The following PTPRO variants were observed in gnomAD, a reference collection of about 807,000 sequenced individuals.
PTPRO encodes protein tyrosine phosphatase receptor type O.
In PTPRO, 62 loss-of-function variants were observed where a neutral mutation model predicts 145.2. The ratio of observed to expected loss-of-function variants is 0.43; its 90% CI spans 0.35 to 0.53. The LOEUF (loss-of-function observed/expected upper bound fraction) is 0.53, where lower values mean the gene tolerates loss of function less well. Among genes scored for constraint, PTPRO ranks in the 20% least tolerant of loss-of-function variants. The probability of loss-of-function intolerance (pLI) is 0.01; values close to 1 mark genes in which losing one functional copy is unlikely to be tolerated. For missense variants in PTPRO, 1,345 were observed against 1,482.7 expected, an observed-to-expected ratio of 0.91 and a Z score of 1.53; for synonymous variants, 565 against 514.7, an observed-to-expected ratio of 1.10 and a Z score of -1.32.
At position 15,580,120 on chromosome 12, in the gene PTPRO, G is replaced by T; in HGVS notation, c.2997+5G>T. On this transcript the variant is annotated splice_donor_5th_base_variant and intron_variant, in intron 21 of 26. Transcript: ENST00000281171. ...ATCAATGCCAACTATATTCCTGTAA[G>T]TAGAAAAAAAAAATCAGGCATCCCA... is the stretch of plus-strand genomic sequence containing the variant. 6.2e-7 allele frequency: 1 copy of T among 1,606,944 alleles called. No individual in the cohort carries two copies. Among genetic ancestry groups the T allele is most frequent in the South Asian group, 1.1e-5 (1 of 90,934 alleles).
At chr12:15,418,380 C>CT (rs1940041871) in intron 1 of PTPRO, among the ~76,000 whole-genome samples, 3 of 151,736 alleles carry the variant, frequency 2.0e-5, no homozygotes, top group Non-Finnish European at 4.4e-5. Flanking sequence ...CCTTCAGTGT[C>CT]TGTTGAGTGA....
At chr12:15,443,370 A>G (rs965956294) in intron 1 of PTPRO, among the ~76,000 whole-genome samples, 1 of 152,192 alleles carries the variant, frequency 6.6e-6, no homozygotes, top group Non-Finnish European at 1.5e-5. Context: ...AAAAATTTAA[A>G]CATAAGACTT....
Position 15,557,479 on chromosome 12 carries a change from C to G in PTPRO, c.2583C>G (p.Val861=). 20 of 1,613,838 alleles carry G rather than the reference C, an allele frequency of 1.2e-5. No homozygotes were observed. Among genetic ancestry groups the G allele is most frequent in the Non-Finnish European group, 1.7e-5 (20 of 1,179,856 alleles). Reference sequence around the variant, plus strand: ...GGGAGTGTGGAGCTGGTACATTTGTCAATTTTGCATCCTTAGAGAGGGATG... The same window carrying G: ...GGGAGTGTGGAGCTGGTACATTTGTGAATTTTGCATCCTTAGAGAGGGATG... ...MARECGAGTF[V]NFASLERDGK... is the part of the protein sequence containing the mutation. The change falls in exon 16 of 27, where the codon GTC becomes GTG. Residue 861 remains valine, a synonymous_variant. Transcript: ENST00000281171.
chr12:15,412,122 A>C (rs1939817815), intron 1 of PTPRO, among the ~76,000 whole-genome samples: 1 of 152,164 alleles, frequency 6.6e-6, no homozygotes, highest in South Asian at 2.1e-4. Flanking sequence ...TGAAACTATG[A>C]ATCTTTAATC....
intron 12 of PTPRO, among the ~76,000 whole-genome samples, chr12:15,531,967 T>C (rs1361258264): frequency 1.3e-5 from 2 of 152,168 alleles, no homozygotes; most frequent in African/African-American, 2.4e-5. Context: ...GTTGTTTTAT[T>C]AGTAGCTTAA....
At chr12:15,461,629 G>A (rs981233755) in intron 1 of PTPRO, among the ~76,000 whole-genome samples, 2 of 136,384 alleles carry the variant, frequency 1.5e-5, no homozygotes, top group South Asian at 4.9e-4. Flanking sequence ...GTACAGTGGT[G>A]CAATCTCGGC....
chr12:15,462,855 T>G (rs1470572236), intron 1 of PTPRO, among the ~76,000 whole-genome samples: 1 of 152,134 alleles, frequency 6.6e-6, no homozygotes, highest in Non-Finnish European at 1.5e-5. Context: ...ACCTGATAAC[T>G]AAAAATTTCT....
chr12:15,520,273 T>C lies in PTPRO; in HGVS notation c.1852T>C (p.Leu618=), dbSNP rs534081423. The change falls in exon 10 of 27, where the codon TTG becomes CTG. Residue 618 remains leucine (L), a synonymous_variant. Coordinates refer to ENST00000281171, the MANE Select transcript of PTPRO (RefSeq NM_030667.3). ...CATGGTGACGTGGGGAGATCCAGAA[T>C]TGAGCTGCTGTGACAGCTCTACCAT... ...VTMVTWGDPE[L]SCCDSSTISF... 1 of 1,613,826 alleles carries C rather than the reference T, an allele frequency of 6.2e-7. No homozygotes were observed. Among genetic ancestry groups the C allele is most frequent in the Non-Finnish European group, 8.5e-7 (1 of 1,179,816 alleles).
intron 1 of PTPRO, among the ~76,000 whole-genome samples, chr12:15,414,160 A>G (rs919871964): frequency 3.3e-5 from 5 of 152,238 alleles, no homozygotes; most frequent in African/African-American, 1.2e-4. Flanking sequence ...GTAATTTAAC[A>G]TGTCACGACA....
Position 15,524,662 on chromosome 12 carries a change from C to T in PTPRO, c.1892-152C>T, listed in dbSNP as rs1019437210. 1.4e-4 allele frequency: 111 copies of T among 779,130 alleles called. 1 individual carries two copies. The South Asian group carries it at 1.5e-3, about 10-fold the overall frequency. The allele number at this position is 779,130 out of a possible 1,614,324, so 48.3% of individuals were successfully genotyped here. On this transcript the variant is annotated intron_variant, in intron 10 of 26. Transcript: ENST00000281171. ...GCCCATCCTGTATCACCATCCTTCACTGTTATTGAGAGGTCCTGAAGTTAC... is the reference window on the plus strand; with the variant it reads ...GCCCATCCTGTATCACCATCCTTCATTGTTATTGAGAGGTCCTGAAGTTAC...
intron 26 of PTPRO, chr12:15,595,481 CA>C: frequency 4.9e-6 from 1 of 203,098 alleles, no homozygotes; most frequent in Non-Finnish European, 1.0e-5. Flanking sequence ...CTCCTAAAAC[CA>C]AAAACAACAG....
intron 19 of PTPRO, among the ~76,000 whole-genome samples, chr12:15,572,173 A>G (rs1394872840): frequency 1.3e-5 from 2 of 152,218 alleles, no homozygotes; most frequent in Non-Finnish European, 2.9e-5. Flanking sequence ...ATGATGTATT[A>G]GCTACAGATT....
intron 1 of PTPRO, among the ~76,000 whole-genome samples, chr12:15,481,014 T>G (rs963637617): frequency 2.0e-5 from 3 of 152,212 alleles, no homozygotes; most frequent in Admixed American, 2.0e-4. Flanking sequence ...AAGCAGAACT[T>G]GCAGAAGCAT....
chr12:15,525,476 C>A (rs992866882), intron 11 of PTPRO, among the ~76,000 whole-genome samples: 1 of 152,174 alleles, frequency 6.6e-6, no homozygotes, highest in African/African-American at 2.4e-5. Context: ...GGCACTTCTG[C>A]TTTAAGGGGT....
At position 15,594,934 on chromosome 12, in the gene PTPRO, C is replaced by T. The variant is rs777665163; in HGVS notation, c.3547-3C>T. 6.2e-7 allele frequency: 1 copy of T among 1,610,966 alleles called. No individual in the cohort carries two copies. The highest frequency in any genetic ancestry group is 8.5e-7 in the Non-Finnish European group (1 of 1,177,664). On this transcript the variant is annotated splice_polypyrimidine_tract_variant and splice_region_variant and intron_variant, in intron 25 of 26. Transcript: ENST00000281171. ...TGAAACCTGTTTTTGTCTTTTGTTC[C>T]AGGAGCAGTACATTTTTATCCATCA...
intron 1 of PTPRO, among the ~76,000 whole-genome samples, chr12:15,404,406 C>G (rs1039644573): frequency 6.6e-6 from 1 of 152,064 alleles, no homozygotes; most frequent in African/African-American, 2.4e-5. Context: ...ATTGGCTATA[C>G]ATAATTTGTC....
chr12:15,345,741 T>C (rs1477446965), intron 1 of PTPRO, among the ~76,000 whole-genome samples: 2 of 152,080 alleles, frequency 1.3e-5, no homozygotes, highest in African/African-American at 4.8e-5. Flanking sequence ...GAACTTAAAG[T>C]ATAATAATAA....
intron 1 of PTPRO, among the ~76,000 whole-genome samples, chr12:15,342,050 C>T (rs1032677257): frequency 6.6e-6 from 1 of 152,148 alleles, no homozygotes; most frequent in Admixed American, 6.5e-5. Flanking sequence ...GAGATGTTTT[C>T]TTTTCCACAT....
At chr12:15,385,252 G>A (rs977223087) in intron 1 of PTPRO, among the ~76,000 whole-genome samples, 2 of 152,140 alleles carry the variant, frequency 1.3e-5, no homozygotes, top group African/African-American at 4.8e-5. Flanking sequence ...TGAATGAGCT[G>A]AAGACAATAA....
Sources: gnomAD v4.1 joint callset for allele counts (sites outside exome capture counted in the v4.1 genomes callset) on GRCh38, gnomAD v4.1.1 for gene constraint, MANE v1.5 for transcripts, NCBI Gene and HGNC (gene_info 2026-07-23, HGNC 2026-07-21) for gene names.